The following ZDHHC17 variants were observed in gnomAD, a reference collection of about 807,000 sequenced individuals.
The protein encoded by ZDHHC17 is palmitoyltransferase ZDHHC17.
In ZDHHC17, 40 loss-of-function variants were observed where a neutral mutation model predicts 90.3. That is an observed-to-expected ratio of 0.44 (90% CI 0.34 to 0.58). ZDHHC17 has a LOEUF of 0.58. Ranked by LOEUF, ZDHHC17 falls within the 20% of genes least tolerant of loss-of-function variation. The probability of loss-of-function intolerance (pLI) is 0.01; values close to 1 mark genes in which losing one functional copy is unlikely to be tolerated. For missense variants in ZDHHC17, 614 were observed against 780.8 expected, an observed-to-expected ratio of 0.79 and a Z score of 2.55; for synonymous variants, 235 against 252.4, an observed-to-expected ratio of 0.93 and a Z score of 0.65.
rs919689296 is a variant in ZDHHC17 at position 76,764,341 on chromosome 12, T to G, written c.93+12T>G. The G allele has an allele frequency of 1.9e-6, 3 of 1,577,976 alleles. No individual in the cohort carries two copies. The African/African-American group carries it at 4.1e-5, about 21-fold the overall frequency. ...TTCTCCACCCAGAGGTGAGGAACCG[T>G]GCTGAGTGGATTCCTTGCCCTGCGG... On this transcript the variant is annotated intron_variant, in intron 1 of 16. Transcript: ENST00000426126.
intron 1 of ZDHHC17, among the ~76,000 whole-genome samples, chr12:76,795,165 G>A (rs953407105): frequency 6.6e-6 from 1 of 152,044 alleles, no homozygotes; most frequent in African/African-American, 2.4e-5. Flanking sequence ...AAAAGGAAGA[G>A]TTAGTGATTC....
At chr12:76,765,016 G>A (rs1322681416) in intron 1 of ZDHHC17, among the ~76,000 whole-genome samples, 1 of 152,202 alleles carries the variant, frequency 6.6e-6, no homozygotes, top group East Asian at 1.9e-4. Flanking sequence ...TCCCATGTAA[G>A]TAAACAGTGC....
chr12:76,806,198 G>A (rs1334961231), intron 3 of ZDHHC17, among the ~76,000 whole-genome samples: 5 of 152,174 alleles, frequency 3.3e-5, no homozygotes, highest in East Asian at 3.9e-4. Flanking sequence ...AGGCTCAAGC[G>A]ATCCTCCCAC....
chr12:76,827,498 T>G (rs1242387626), intron 9 of ZDHHC17, among the ~76,000 whole-genome samples: 1 of 151,898 alleles, frequency 6.6e-6, no homozygotes, highest in Non-Finnish European at 1.5e-5. Flanking sequence ...GTCGGCTGAG[T>G]TTTTAAGATT....
intron 10 of ZDHHC17, among the ~76,000 whole-genome samples, chr12:76,831,810 C>T (rs2137791023): frequency 6.6e-6 from 1 of 152,216 alleles, no homozygotes; most frequent in Admixed American, 6.5e-5. Context: ...CCATGCCTGG[C>T]TAATTTGCGT....
In ZDHHC17 at chr12:76,851,374, T is replaced by G. The variant is rs569068432; in HGVS notation, c.*389T>G. 4.4e-6 allele frequency: 1 copy of G among 227,516 alleles called. No homozygotes were observed. Among genetic ancestry groups the G allele is most frequent in the South Asian group, 5.8e-5 (1 of 17,330 alleles). 14.1% of individuals were successfully genotyped at this position (227,516 alleles called of 1,614,324 possible). On this transcript the variant is annotated 3_prime_UTR_variant, in exon 17 of 17. Transcript: ENST00000426126. Reference sequence around the variant, plus strand: ...TAAATTTATGTTATTTGGCTAAATGTTATGATGCAGTCTAGTACGAGTATT... The same window carrying G: ...TAAATTTATGTTATTTGGCTAAATGGTATGATGCAGTCTAGTACGAGTATT...
Position 76,828,232 on chromosome 12 carries a change from A to G in ZDHHC17, c.1041-158A>G, listed in dbSNP as rs1167500602. ...TGCTGAGTCTTTCAGCTGTGAACTA[A>G]TTTTTATTGATTACTATGAAAAATT... On this transcript the variant is annotated intron_variant, in intron 9 of 16. Coordinates refer to ENST00000426126, the MANE Select transcript of ZDHHC17 (RefSeq NM_015336.4). Among the ~76,000 whole-genome samples the G allele has an allele frequency of 2.0e-5, 3 of 152,120 alleles. No individual in the cohort carries two copies. The East Asian group carries it at 5.8e-4, about 29-fold the overall frequency.
chr12:76,846,206 G>A (rs1020660816), intron 13 of ZDHHC17: 3 of 233,536 alleles, frequency 1.3e-5, no homozygotes, highest in Non-Finnish European at 8.3e-6. Flanking sequence ...GACATGCCCC[G>A]GAGATTTTAT....
intron 7 of ZDHHC17, among the ~76,000 whole-genome samples, chr12:76,817,803 T>A (rs956321960): frequency 6.6e-6 from 1 of 152,094 alleles, no homozygotes; most frequent in Non-Finnish European, 1.5e-5. Context: ...AGTAGAGATA[T>A]TTAAAATTAT....
intron 1 of ZDHHC17, among the ~76,000 whole-genome samples, chr12:76,765,394 T>C (rs1952419759): frequency 6.6e-6 from 1 of 152,266 alleles, no homozygotes; most frequent in Non-Finnish European, 1.5e-5. Context: ...TTCGTCACTT[T>C]GGTTTATCAA....
rs1298790123 is a variant in ZDHHC17, at chr12:76,853,023, T to C, written c.*2038T>C. On this transcript the variant is annotated 3_prime_UTR_variant, in exon 17 of 17. Transcript: ENST00000426126. ...TATCGAATACATTTTTATCAACAGT[T>C]AAAGACTATGGTGGTTTTTTCAGAG... is the stretch of plus-strand genomic sequence containing the variant. The C allele has an allele frequency of 6.6e-6, 1 of 152,418 alleles. No individual in the cohort carries two copies. Among genetic ancestry groups the C allele is most frequent in the African/African-American group, 2.4e-5 (1 of 41,474 alleles). The allele number at this position is 152,418 out of a possible 1,614,324, so 9.4% of individuals were successfully genotyped here.
chr12:76,764,396 G>T, intron 1 of ZDHHC17, 67 bp downstream of exon 1: 1 of 1,464,386 alleles, frequency 6.8e-7, no homozygotes. Context: ...CGGACTCGCC[G>T]AGGGCGGCGG....
chr12:76,819,279 T>A (rs1953130188), intron 7 of ZDHHC17, among the ~76,000 whole-genome samples: 1 of 152,214 alleles, frequency 6.6e-6, no homozygotes, highest in South Asian at 2.1e-4. Flanking sequence ...TTAAGTAAAC[T>A]TAAATTGCTG....
At chr12:76,764,814 T>C (rs530097419) in intron 1 of ZDHHC17, 132 of 456,842 alleles carry the variant, frequency 2.9e-4, no homozygotes, top group African/African-American at 2.6e-3. Context: ...TCCTTCCAGG[T>C]AATGCCATGG....
At chr12:76,805,803 C>T (rs1344800856) in intron 3 of ZDHHC17, among the ~76,000 whole-genome samples, 1 of 152,192 alleles carries the variant, frequency 6.6e-6, no homozygotes, top group Non-Finnish European at 1.5e-5. Context: ...AGGACCTGAA[C>T]TCAGGCAGTC....
At chr12:76,764,418 G>T in intron 1 of ZDHHC17, 89 bp downstream of exon 1, 3 of 1,281,232 alleles carry the variant, frequency 2.3e-6, no homozygotes, top group South Asian at 1.4e-5. Context: ...CGACGTGTGT[G>T]GGGTAGTGGG....
At chr12:76,815,453 T>TA (rs1953074987) in intron 6 of ZDHHC17, among the ~76,000 whole-genome samples, 1 of 151,868 alleles carries the variant, frequency 6.6e-6, no homozygotes, top group African/African-American at 2.4e-5. Context: ...TTATCTTTTT[T>TA]TAAAAATTAA....
chr12:76,770,071 TC>T (rs1430020735), intron 1 of ZDHHC17, among the ~76,000 whole-genome samples: 2 of 152,214 alleles, frequency 1.3e-5, no homozygotes, highest in African/African-American at 4.8e-5. Flanking sequence ...GTTATTGAAC[TC>T]TGCATCCCAA....
chr12:76,778,818 A>G (rs888809170), intron 1 of ZDHHC17, among the ~76,000 whole-genome samples: 2 of 152,224 alleles, frequency 1.3e-5, no homozygotes, highest in Non-Finnish European at 2.9e-5. Flanking sequence ...ACAGAATGCT[A>G]CAAACTGGGT....
Sources: allele counts gnomAD v4.1 joint callset (sites outside exome capture counted in the v4.1 genomes callset), GRCh38; gene constraint gnomAD v4.1.1; transcripts MANE v1.5; gene names NCBI Gene and HGNC (gene_info 2026-07-23, HGNC 2026-07-21).